The following ABCA13 variants were observed in gnomAD, a reference collection of about 807,000 sequenced individuals.
ABCA13 encodes ATP binding cassette subfamily A member 13, also known as ATP-binding cassette sub-family A member 13.
A neutral mutation model predicts 478.7 loss-of-function variants in ABCA13; 476 were observed. The ratio of observed to expected loss-of-function variants is 0.99; its 90% CI spans 0.92 to 1.07. ABCA13 has a LOEUF of 1.07. Ranked by LOEUF, ABCA13 falls within the 50% of genes least tolerant of loss-of-function variation. ABCA13 has a pLI of 0.00. For missense variants in ABCA13, 6,060 were observed against 5,910.6 expected (o/e 1.03, Z -0.83); for synonymous variants, 2,252 against 2,158.9 (o/e 1.04, Z -1.20).
At chr7:48,302,921 C>T (rs1320410491) in intron 23 of ABCA13, among the ~76,000 whole-genome samples, 1 of 152,160 alleles carries the variant, frequency 6.6e-6, no homozygotes, top group Non-Finnish European at 1.5e-5. Flanking sequence ...CACTGGTTTC[C>T]ACAATGGTTG....
At chr7:48,454,459 C>G (rs1825403484) in intron 42 of ABCA13, among the ~76,000 whole-genome samples, 1 of 152,226 alleles carries the variant, frequency 6.6e-6, no homozygotes, top group African/African-American at 2.4e-5. Context: ...GTGGATCGCT[C>G]TGATAGCTGA....
At chr7:48,419,990 C>T (rs1303283655) in intron 41 of ABCA13, among the ~76,000 whole-genome samples, 1 of 152,138 alleles carries the variant, frequency 6.6e-6, no homozygotes, top group Non-Finnish European at 1.5e-5. Context: ...TTGGTAGAGG[C>T]TATAAAATGT....
chr7:48,273,962 C>G lies in ABCA13; in HGVS notation c.4296C>G (p.Asn1432Lys). The change falls in exon 17 of 62, where the codon AAC becomes AAG. Residue 1432 changes from asparagine to lysine, a missense_variant. By Grantham distance (94) the Asn-to-Lys change is moderately conservative. This residue lies in a region of ABCA13 where 4,423 missense variants were observed against 4,309.1 expected (regional missense o/e 1.03). Coordinates refer to ENST00000435803, the MANE Select transcript of ABCA13 (RefSeq NM_152701.5). ...TCAGAGATATAGAAAACAAAATGAACTCTATATTAAAAATTGTAACTTGGG... is the reference window on the plus strand; with the variant it reads ...TCAGAGATATAGAAAACAAAATGAAGTCTATATTAAAAATTGTAACTTGGG... Reference protein sequence around the residue: ...GNFRDIENKMNSILKIVTWVL... With the variant: ...GNFRDIENKMKSILKIVTWVL... The G allele has an allele frequency of 2.5e-6, 4 of 1,610,274 alleles. No individual in the cohort carries two copies. The highest frequency in any genetic ancestry group is 3.4e-6 in the Non-Finnish European group (4 of 1,177,658).
At chr7:48,206,029 C>T (rs976656196) in intron 3 of ABCA13, among the ~76,000 whole-genome samples, 1 of 152,210 alleles carries the variant, frequency 6.6e-6, no homozygotes, top group African/African-American at 2.4e-5. Flanking sequence ...AACCTACCTC[C>T]ACTCACCCCA....
intron 59 of ABCA13, among the ~76,000 whole-genome samples, chr7:48,623,110 G>T (rs954630942): frequency 6.6e-6 from 1 of 152,196 alleles, no homozygotes; most frequent in Non-Finnish European, 1.5e-5. Flanking sequence ...AGAGCCGTAA[G>T]CATGAACATG....
chr7:48,178,907 C>A (rs964678839), intron 1 of ABCA13, among the ~76,000 whole-genome samples: 1 of 149,942 alleles, frequency 6.7e-6, no homozygotes, highest in Non-Finnish European at 1.5e-5. Flanking sequence ...ACAAGATCAT[C>A]AAAAAGCTAG....
intron 59 of ABCA13, among the ~76,000 whole-genome samples, chr7:48,637,912 TAG>T (rs776143693): frequency 5.9e-5 from 9 of 152,196 alleles, no homozygotes; most frequent in Non-Finnish European, 8.8e-5. Context: ...GCAGGGGTGT[TAG>T]AGTCAGTGGC....
At chr7:48,173,346 A>T (rs1794409543) in intron 1 of ABCA13, among the ~76,000 whole-genome samples, 1 of 152,244 alleles carries the variant, frequency 6.6e-6, no homozygotes, top group South Asian at 2.1e-4. Context: ...CAATTGGTTC[A>T]TCAATGTATT....
intron 59 of ABCA13, among the ~76,000 whole-genome samples, chr7:48,642,720 C>T (rs1429248238): frequency 6.6e-6 from 1 of 152,156 alleles, no homozygotes; most frequent in Non-Finnish European, 1.5e-5. Flanking sequence ...AGTGGAACTA[C>T]TGTCTATAAC....
At chr7:48,499,797 C>G (rs948127024) in intron 48 of ABCA13, among the ~76,000 whole-genome samples, 1 of 152,094 alleles carries the variant, frequency 6.6e-6, no homozygotes, top group Non-Finnish European at 1.5e-5. Flanking sequence ...TGAAACTATG[C>G]CCCTTTTACT....
At position 48,234,108 on chromosome 7, in the gene ABCA13, T is replaced by C. The variant is rs1789581328; in HGVS notation, c.854T>C (p.Leu285Pro). ...DLKSQFGFDD[L>P]HTEQILNSSA... ...AAATCCCAGTTTGGCTTTGATGATC[T>C]TCACACGGAACAGATCCTGAACTCT... is the stretch of plus-strand genomic sequence containing the variant. The change falls in exon 8 of 62, where the codon CTT becomes CCT. Residue 285 changes from leucine (L) to proline (P), a missense_variant. Physicochemically the swap from Leu to Pro is moderately conservative, Grantham distance 98. This residue lies in a region of ABCA13 where 4,423 missense variants were observed against 4,309.1 expected (regional missense o/e 1.03). Transcript: ENST00000435803. 1.2e-6 allele frequency: 2 copies of C among 1,614,034 alleles called. No homozygotes were observed. The highest frequency in any genetic ancestry group is 1.7e-6 in the Non-Finnish European group (2 of 1,179,888).
At chr7:48,296,713 C>T (rs755398657) in intron 21 of ABCA13, among the ~76,000 whole-genome samples, 14 of 152,228 alleles carry the variant, frequency 9.2e-5, no homozygotes, top group East Asian at 5.8e-4. Context: ...CCGCCCCCTT[C>T]GGCCTCCCAA....
intron 31 of ABCA13, among the ~76,000 whole-genome samples, chr7:48,361,942 A>C (rs1017914733): frequency 1.3e-5 from 2 of 152,062 alleles, no homozygotes; most frequent in African/African-American, 4.8e-5. Context: ...CAGAGGGACA[A>C]AATACAAAAA....
intron 42 of ABCA13, among the ~76,000 whole-genome samples, chr7:48,433,378 CG>C (rs1200701862): frequency 2.7e-5 from 4 of 150,272 alleles, no homozygotes; most frequent in Admixed American, 6.7e-5. Flanking sequence ...TCATCTAGGA[CG>C]TTTTTTGGTA....
intron 55 of ABCA13, among the ~76,000 whole-genome samples, chr7:48,528,590 C>T (rs2131033517): frequency 6.6e-6 from 1 of 152,226 alleles, no homozygotes; most frequent in African/African-American, 2.4e-5. Context: ...GGCAGACGTC[C>T]CTGGGAGGTA....
rs774241715 is a variant in ABCA13, at chr7:48,421,201, C to CT, written c.12460-6554dup. Among the ~76,000 whole-genome samples the CT allele has an allele frequency of 8.5e-4, 45 of 53,254 alleles. 1 individual carries two copies. The South Asian group carries it at 0.016, about 19-fold the overall frequency. 34.9% of individuals were successfully genotyped at this position (53,254 alleles called of 152,430 possible). On this transcript the variant is annotated intron_variant, in intron 41 of 61. Transcript: ENST00000435803. ...CTTAAGTTAATTTCCTTTTCTCTCT[C>CT]TTTTTTTTTTTGAGGATATATTTTG...
intron 42 of ABCA13, among the ~76,000 whole-genome samples, chr7:48,452,088 A>G (rs554990266): frequency 1.3e-5 from 2 of 152,344 alleles, no homozygotes; most frequent in African/African-American, 4.8e-5. Flanking sequence ...TTTATGTCCA[A>G]TTAACATATA....
intron 31 of ABCA13, among the ~76,000 whole-genome samples, chr7:48,362,409 C>CTTTTTTTTTTTTTTTTTTTT: frequency 2.3e-5 from 2 of 86,000 alleles, no homozygotes; most frequent in Non-Finnish European, 4.4e-5. Flanking sequence ...TCCTCTTCTT[C>CTTTTTTTTTTTTTTTTTTTT]TTTTTTTTTT....
At chr7:48,379,584 T>C (rs529261112) in intron 35 of ABCA13, among the ~76,000 whole-genome samples, 116 of 152,218 alleles carry the variant, frequency 7.6e-4, no homozygotes, top group African/African-American at 2.7e-3. Context: ...TTATGTGGAA[T>C]AAGTTCGGAT....
Sources: allele counts gnomAD v4.1 joint callset (sites outside exome capture counted in the v4.1 genomes callset), GRCh38; gene constraint gnomAD v4.1.1; regional missense constraint gnomAD v4.1.1; transcripts MANE v1.5; gene names NCBI Gene and HGNC (gene_info 2026-07-23, HGNC 2026-07-21).